Variants in SMIM8 observed in about 807,000 individuals in gnomAD.
The protein encoded by SMIM8 is UPF0708 protein C6orf162.
A neutral mutation model predicts 8.1 loss-of-function variants in SMIM8; 8 were observed. The ratio of observed to expected loss-of-function variants is 0.99; its 90% CI spans 0.58 to 1.78. SMIM8 has a LOEUF of 1.78. Among genes scored for constraint, SMIM8 ranks in the 40% most tolerant of loss-of-function variants. The pLI is 0.00. For synonymous variants in SMIM8, 45 were observed against 39.7 expected, an observed-to-expected ratio of 1.13 and a Z score of -0.50; for missense variants, 126 against 119.8, an observed-to-expected ratio of 1.05 and a Z score of -0.24.
Position 87,337,027 on chromosome 6 carries a change from T to A in SMIM8, c.-5T>A. 6.3e-7 allele frequency: 1 copy of A among 1,594,444 alleles called. No individual in the cohort carries two copies. The highest frequency in any genetic ancestry group is 8.5e-7 in the Non-Finnish European group (1 of 1,173,120). On this transcript the variant is annotated 5_prime_UTR_variant, in exon 3 of 4. Coordinates refer to ENST00000392863, the MANE Select transcript of SMIM8 (RefSeq NM_001042493.3). ...TTTTTAGATAATAAATCATCATTGA[T>A]CAAGATGTCTTCAGCACCTGAGCCT...
chr6:87,337,310 G>A (rs1777135635), intron 3 of SMIM8, 144 bp downstream of exon 3: 4 of 785,202 alleles, frequency 5.1e-6, no homozygotes, highest in South Asian at 6.8e-5. Flanking sequence ...GTGGAAGGAC[G>A]ATTGTAAATG....
chr6:87,323,260 G>C (rs1193427078), intron 1 of SMIM8, among the ~76,000 whole-genome samples: 1 of 127,188 alleles, frequency 7.9e-6, no homozygotes, highest in Non-Finnish European at 1.9e-5. Flanking sequence ...AGATACTTTT[G>C]TTTTGTTTTG....
intron 1 of SMIM8, chr6:87,323,102 C>A (rs1161143952): frequency 7.1e-6 from 1 of 141,594 alleles, no homozygotes; most frequent in Admixed American, 6.7e-5. Flanking sequence ...GCTTCCAATG[C>A]GTCTGTCTTT....
chr6:87,328,437 A>G (rs1255778812), intron 1 of SMIM8, among the ~76,000 whole-genome samples: 2 of 151,812 alleles, frequency 1.3e-5, no homozygotes, highest in Non-Finnish European at 2.9e-5. Context: ...TTTGGTGTGG[A>G]TGTCCTTTCT....
In SMIM8 at chr6:87,327,749, C is replaced by T. The variant is rs1198145891; in HGVS notation, c.-44-2943C>T. Among the ~76,000 whole-genome samples, 584 of 144,542 alleles carry T rather than the reference C, an allele frequency of 4.0e-3. 2 individuals are homozygous for T. Among genetic ancestry groups the T allele is most frequent in the Middle Eastern group, 0.011 (3 of 280 alleles). The allele number at this position is 144,542 out of a possible 152,430, so 94.8% of individuals were successfully genotyped here. On this transcript the variant is annotated intron_variant, in intron 1 of 3. Coordinates refer to ENST00000392863, the MANE Select transcript of SMIM8 (RefSeq NM_001042493.3). Reference sequence around the variant, plus strand: ...TTATGTGTCTTGGAGTTGCTCTTCTCGAGGAGTATCTTTGTGGCGTTCTCT... The same window carrying T: ...TTATGTGTCTTGGAGTTGCTCTTCTTGAGGAGTATCTTTGTGGCGTTCTCT...
At position 87,341,047 on chromosome 6, in the gene SMIM8, G is replaced by T; in HGVS notation, c.*773G>T. The T allele has an allele frequency of 2.7e-6, 1 of 365,236 alleles. No individual in the cohort carries two copies. The highest frequency in any genetic ancestry group is 4.9e-6 in the Non-Finnish European group (1 of 206,014). 22.6% of individuals were successfully genotyped at this position (365,236 alleles called of 1,614,324 possible). A position where few individuals can be genotyped will look rare whatever the true frequency, so the allele number is the denominator to read the frequency against. ...ATTAATGTTAATTAATTTTGTTTAT[G>T]TTAATTTGTGTTAATTAATGTTACT... On this transcript the variant is annotated 3_prime_UTR_variant, in exon 4 of 4. Transcript: ENST00000392863.
At chr6:87,335,724 A>G (rs1186260399) in intron 2 of SMIM8, among the ~76,000 whole-genome samples, 1 of 151,836 alleles carries the variant, frequency 6.6e-6, no homozygotes, top group Non-Finnish European at 1.5e-5. Flanking sequence ...CAGGTGTGGT[A>G]TAAGTATACA....
At chr6:87,325,945 C>T (rs192462179) in intron 1 of SMIM8, among the ~76,000 whole-genome samples, 117 of 152,282 alleles carry the variant, frequency 7.7e-4, no homozygotes, top group African/African-American at 2.7e-3. Flanking sequence ...AATTTCAGCT[C>T]CTGTTATTGG....
chr6:87,325,887 A>C (rs1582086139), intron 1 of SMIM8, among the ~76,000 whole-genome samples: 1 of 152,216 alleles, frequency 6.6e-6, no homozygotes. Context: ...CTGTGAAGCC[A>C]TCTGCTCCTG....
chr6:87,326,016 C>T (rs960040340), intron 1 of SMIM8, among the ~76,000 whole-genome samples: 2 of 151,974 alleles, frequency 1.3e-5, no homozygotes, highest in Non-Finnish European at 2.9e-5. Context: ...TGTCGAGGAA[C>T]TTATCCATTT....
intron 3 of SMIM8, among the ~76,000 whole-genome samples, chr6:87,338,084 TC>T (rs1221206713): frequency 6.6e-6 from 1 of 152,224 alleles, no homozygotes; most frequent in African/African-American, 2.4e-5. Flanking sequence ...ATCAACTTAA[TC>T]AGATCATTAA....
At chr6:87,335,138 G>C (rs183152563) in intron 2 of SMIM8, among the ~76,000 whole-genome samples, 8 of 152,324 alleles carry the variant, frequency 5.3e-5, no homozygotes, top group Admixed American at 5.2e-4. Context: ...GATCTATAAA[G>C]TTATCTGTAA....
chr6:87,332,532 A>G (rs915870435), intron 2 of SMIM8, among the ~76,000 whole-genome samples: 1 of 149,014 alleles, frequency 6.7e-6, no homozygotes, highest in Non-Finnish European at 1.5e-5. Flanking sequence ...ATGTTAATAA[A>G]TTACATATAA....
At chr6:87,322,679 A>AG (rs1277036053) in intron 1 of SMIM8, 47 bp downstream of exon 1, 6 of 151,588 alleles carry the variant, frequency 4.0e-5, no homozygotes, top group African/African-American at 1.5e-4. Context: ...GCCGGCCTGG[A>AG]GGGGCCAGGG....
chr6:87,325,964 G>A (rs1776810099), intron 1 of SMIM8, among the ~76,000 whole-genome samples: 1 of 152,214 alleles, frequency 6.6e-6, no homozygotes, highest in Admixed American at 6.5e-5. Context: ...GGTCTATTAA[G>A]AGATTCAACT....
chr6:87,325,436 G>A (rs1487343386), intron 1 of SMIM8, among the ~76,000 whole-genome samples: 28 of 147,772 alleles, frequency 1.9e-4, no homozygotes, highest in African/African-American at 7.0e-4. Flanking sequence ...TTTGAGATAC[G>A]TCCCATCAAT....
At chr6:87,339,802 G>A (rs1160236111) in intron 3 of SMIM8, among the ~76,000 whole-genome samples, 4 of 152,050 alleles carry the variant, frequency 2.6e-5, no homozygotes, top group Admixed American at 1.3e-4. Context: ...TGAAAACTCC[G>A]GGTGCTGACC....
At chr6:87,325,079 G>A (rs1465302605) in intron 1 of SMIM8, among the ~76,000 whole-genome samples, 6 of 151,946 alleles carry the variant, frequency 3.9e-5, no homozygotes, top group Admixed American at 3.9e-4. Flanking sequence ...TTTGTTGCTG[G>A]TGTATAAGAA....
chr6:87,323,559 A>G (rs1279640004), intron 1 of SMIM8, among the ~76,000 whole-genome samples: 1 of 151,840 alleles, frequency 6.6e-6, no homozygotes, highest in East Asian at 1.9e-4. Context: ...TTTACTGAGA[A>G]TGATGATTTC....
Sources: gnomAD v4.1 joint callset for allele counts (sites outside exome capture counted in the v4.1 genomes callset) on GRCh38, gnomAD v4.1.1 for gene constraint, MANE v1.5 for transcripts, NCBI Gene and HGNC (gene_info 2026-07-23, HGNC 2026-07-21) for gene names.